Variants in RNF220 observed in about 807,000 individuals in gnomAD.
RNF220 encodes the protein ring finger protein 220, also known as E3 ubiquitin-protein ligase RNF220.
RNF220 carries 7 observed loss-of-function variants against 67.1 expected under a neutral mutation model. That is an observed-to-expected ratio of 0.10 (90% CI 0.06 to 0.20). The LOEUF is 0.20. Ranked by LOEUF, RNF220 falls within the 10% of genes least tolerant of loss-of-function variation. The pLI is 1.00. For synonymous variants in RNF220, 270 were observed against 283.2 expected, an observed-to-expected ratio of 0.95 and a Z score of 0.47; for missense variants, 565 against 740.3, an observed-to-expected ratio of 0.76 and a Z score of 2.75.
intron 2 of RNF220, among the ~76,000 whole-genome samples, chr1:44,470,134 C>T (rs1467751582): frequency 6.6e-6 from 1 of 152,086 alleles, no homozygotes; most frequent in African/African-American, 2.4e-5. Flanking sequence ...GTGCTTAGAC[C>T]ACCATGGTAG....
rs771681430 is a variant in RNF220 at position 44,581,262 on chromosome 1, CAT to C, written c.626-32902_626-32901del. ...CCTTGTGTGATATAAAATCCAATGA[CAT>C]GTGGCATTTGGAAAAGGTCACTTCT... On this transcript the variant is annotated intron_variant, in intron 2 of 14. Transcript: ENST00000361799. 1.5e-3 allele frequency among the ~76,000 whole-genome samples: 223 copies of C among 152,344 alleles called. 6 individuals are homozygous for C. Among genetic ancestry groups the C allele is most frequent in the Admixed American group, 2.9e-3 (44 of 15,304 alleles).
At chr1:44,549,474 C>T (rs556768289) in intron 2 of RNF220, among the ~76,000 whole-genome samples, 1 of 152,300 alleles carries the variant, frequency 6.6e-6, no homozygotes, top group South Asian at 2.1e-4. Context: ...GCTCGCAACC[C>T]ATCATTCCTA....
At chr1:44,420,244 G>A (rs891544718) in intron 2 of RNF220, among the ~76,000 whole-genome samples, 3 of 152,352 alleles carry the variant, frequency 2.0e-5, no homozygotes, top group Middle Eastern at 3.4e-3. Flanking sequence ...AAAATCTGGA[G>A]CTATGTGAGT....
rs372493785 is a variant in RNF220 at position 44,650,779 on chromosome 1, A to C, written c.*4A>C. On this transcript the variant is annotated 3_prime_UTR_variant, in exon 15 of 15. Coordinates refer to ENST00000361799, the MANE Select transcript of RNF220 (RefSeq NM_018150.4). This position sits in a 1 kb window ranked among gnomAD's most constrained non-coding sequence, Gnocchi z 4.3. Reference sequence around the variant, plus strand: ...CCTGCGGAGGATCTACTTGTGAGCTATCTGCCCCAGGCAGGCCTCGCCTCC... The same window carrying C: ...CCTGCGGAGGATCTACTTGTGAGCTCTCTGCCCCAGGCAGGCCTCGCCTCC... The C allele has an allele frequency of 6.2e-7, 1 of 1,613,308 alleles. No homozygotes were observed. Among genetic ancestry groups the C allele is most frequent in the South Asian group, 1.1e-5 (1 of 91,080 alleles).
chr1:44,621,105 G>A lies in RNF220; in HGVS notation c.759-1637G>A, dbSNP rs879851637. The stretch of plus-strand genomic sequence containing the variant: ...TAATTTTTGTATTTTTAGTAGAGAC[G>A]GGGTTTCACCATGTTGGCCAGGCTG... On this transcript the variant is annotated intron_variant, in intron 3 of 14. Transcript: ENST00000361799. The surrounding 1 kb of genome is among the most constrained non-coding windows in gnomAD (Gnocchi z 4.8). Among the ~76,000 whole-genome samples the A allele has an allele frequency of 2.0e-5, 3 of 152,014 alleles. No homozygotes were observed. Among genetic ancestry groups the A allele is most frequent in the South Asian group, 2.1e-4 (1 of 4,812 alleles).
intron 2 of RNF220, among the ~76,000 whole-genome samples, chr1:44,448,129 T>G (rs1002515534): frequency 6.6e-6 from 1 of 151,996 alleles, no homozygotes; most frequent in Admixed American, 6.5e-5. Context: ...CAAAACTCTG[T>G]CTCTACTAAA....
chr1:44,529,403 G>A (rs556623261), intron 2 of RNF220, among the ~76,000 whole-genome samples: 2 of 151,324 alleles, frequency 1.3e-5, no homozygotes, highest in East Asian at 1.9e-4. Flanking sequence ...ACAGAGTCTC[G>A]CTATGTCACC....
chr1:44,442,188 C>T (rs1651625270), intron 2 of RNF220, among the ~76,000 whole-genome samples: 1 of 152,092 alleles, frequency 6.6e-6, no homozygotes, highest in African/African-American at 2.4e-5. Context: ...GAGTTCATGG[C>T]ATGCTCATGG....
At position 44,412,641 on chromosome 1, in the gene RNF220, A is replaced by G. The variant is rs765882638; in HGVS notation, c.544A>G (p.Thr182Ala). 3.7e-6 allele frequency: 6 copies of G among 1,614,040 alleles called. No homozygotes were observed. Among genetic ancestry groups the G allele is most frequent in the African/African-American group, 1.3e-5 (1 of 74,906 alleles). The change falls in exon 2 of 15, where the codon ACT becomes GCT. Residue 182 changes from threonine (T) to alanine (A), a missense_variant. Transcript: ENST00000361799. This position sits in a 1 kb window ranked among gnomAD's most constrained non-coding sequence, Gnocchi z 5.3. ...SSPGSLKVDD[T>A]GKKIFAVSGL... ...CCCCGGTTCACTAAAGGTTGATGAC[A>G]CTGGGAAGAAGATTTTTGCTGTCTC...
intron 2 of RNF220, among the ~76,000 whole-genome samples, chr1:44,504,652 C>A (rs1259105044): frequency 6.6e-6 from 1 of 152,100 alleles, no homozygotes; most frequent in East Asian, 1.9e-4. Context: ...GTCCCCTCTT[C>A]CATATCTGAT....
chr1:44,603,123 A>G (rs1254598991), intron 2 of RNF220, among the ~76,000 whole-genome samples: 2 of 152,236 alleles, frequency 1.3e-5, no homozygotes, highest in African/African-American at 4.8e-5. Context: ...GAAAATGATT[A>G]CAGGCAGCTA....
Position 44,651,022 on chromosome 1 carries a change from T to G in RNF220, c.*247T>G. 6.0e-6 allele frequency: 3 copies of G among 501,738 alleles called. No homozygotes were observed. Among genetic ancestry groups the G allele is most frequent in the Non-Finnish European group, 7.4e-6 (2 of 271,452 alleles). 31.1% of individuals were successfully genotyped at this position (501,738 alleles called of 1,614,324 possible). ...TTGGGGGCCATACCTGTTCCAGCTC[T>G]GTTCCCAGGGTGGGGCAGGGAGGTG... On this transcript the variant is annotated 3_prime_UTR_variant, in exon 15 of 15. Transcript: ENST00000361799.
intron 2 of RNF220, among the ~76,000 whole-genome samples, chr1:44,485,784 A>T (rs1475721083): frequency 6.6e-6 from 1 of 152,164 alleles, no homozygotes; most frequent in Non-Finnish European, 1.5e-5. Context: ...TTTATTTAAG[A>T]TGCTGGGGTA....
intron 2 of RNF220, among the ~76,000 whole-genome samples, chr1:44,597,734 CCT>C (rs1208352374): frequency 1.3e-5 from 2 of 152,096 alleles, no homozygotes; most frequent in East Asian, 1.9e-4. Flanking sequence ...CATATTCACC[CCT>C]CTCTCAGCCA....
intron 2 of RNF220, among the ~76,000 whole-genome samples, chr1:44,547,744 G>T (rs115627820): frequency 6.6e-6 from 1 of 152,070 alleles, no homozygotes; most frequent in Non-Finnish European, 1.5e-5. Flanking sequence ...TATCTTCAGC[G>T]CTTTGTCCAA....
chr1:44,581,514 C>A (rs1481901513), intron 2 of RNF220, among the ~76,000 whole-genome samples: 2 of 152,196 alleles, frequency 1.3e-5, no homozygotes, highest in African/African-American at 4.8e-5. Flanking sequence ...AAAAATGAAA[C>A]CTCTGGCCAG....
chr1:44,568,894 A>T (rs1166805612), intron 2 of RNF220, among the ~76,000 whole-genome samples: 1 of 151,138 alleles, frequency 6.6e-6, no homozygotes, highest in Admixed American at 6.6e-5. Flanking sequence ...GGATGCTACA[A>T]AAGATGGTTT....
At chr1:44,418,812 T>G (rs1648892656) in intron 2 of RNF220, among the ~76,000 whole-genome samples, 1 of 152,228 alleles carries the variant, frequency 6.6e-6, no homozygotes, top group Non-Finnish European at 1.5e-5. Context: ...TAATAAATAT[T>G]GGCACACATT....
rs527727393 is a variant in RNF220 at position 44,565,075 on chromosome 1, G to A, written c.626-49090G>A. ...GGCCTGAATCAACTCCATCCCCTGC[G>A]CATAGCATGGGCCTGGCCTTAGGAC... On this transcript the variant is annotated intron_variant, in intron 2 of 14. Transcript: ENST00000361799. The surrounding 1 kb of genome is among the most constrained non-coding windows in gnomAD (Gnocchi z 4.2). 1.2e-3 allele frequency among the ~76,000 whole-genome samples: 180 copies of A among 151,642 alleles called. 1 individual carries two copies. Among genetic ancestry groups the A allele is most frequent in the African/African-American group, 3.8e-3 (156 of 41,320 alleles).
Sources: gnomAD v4.1 joint callset for allele counts (sites outside exome capture counted in the v4.1 genomes callset) on GRCh38, gnomAD v4.1.1 for gene constraint, Gnocchi (gnomAD v3.1) non-coding constraint, MANE v1.5 for transcripts, NCBI Gene and HGNC (gene_info 2026-07-23, HGNC 2026-07-21) for gene names.